MYRIP: variants seen among roughly 807,000 people sequenced by gnomAD.
MYRIP encodes the protein myosin VIIA and Rab interacting protein, also known as rab effector MyRIP.
Under a neutral mutation model 98.0 loss-of-function variants are expected in MYRIP, and 49 were observed. The observed-to-expected ratio is 0.50, with a 90% CI of 0.40 to 0.63. MYRIP has a LOEUF of 0.63. Among genes scored for constraint, MYRIP ranks in the 30% least tolerant of loss-of-function variants. MYRIP has a pLI of 0.00. For missense variants in MYRIP, 1,004 were observed against 1,058.2 expected, an observed-to-expected ratio of 0.95 and a Z score of 0.71; for synonymous variants, 404 against 409.5, an observed-to-expected ratio of 0.99 and a Z score of 0.16.
intron 3 of MYRIP, among the ~76,000 whole-genome samples, chr3:40,047,771 G>A (rs1445691887): frequency 6.6e-6 from 1 of 152,172 alleles, no homozygotes; most frequent in Non-Finnish European, 1.5e-5. Flanking sequence ...GTCTTTCAAA[G>A]TACCACGGAT....
intron 3 of MYRIP, among the ~76,000 whole-genome samples, chr3:40,133,955 C>A (rs1000091523): frequency 6.6e-6 from 1 of 152,148 alleles, no homozygotes; most frequent in Admixed American, 6.5e-5. Context: ...CCAGCATGAG[C>A]GATGCAAAAG....
intron 1 of MYRIP, among the ~76,000 whole-genome samples, chr3:39,889,350 T>TA (rs1463213212): frequency 3.3e-5 from 5 of 152,112 alleles, no homozygotes; most frequent in South Asian, 2.1e-4. Context: ...TATGCAGCCA[T>TA]AAAAAATGAT....
chr3:40,220,126 ATGTC>A (rs1253983235), intron 11 of MYRIP, among the ~76,000 whole-genome samples: 1 of 152,010 alleles, frequency 6.6e-6, no homozygotes, highest in East Asian at 1.9e-4. Context: ...GGCTGCATAA[ATGTC>A]TTCTTTTGAG....
At chr3:40,019,019 C>G (rs1036457110) in intron 2 of MYRIP, among the ~76,000 whole-genome samples, 16 of 152,290 alleles carry the variant, frequency 1.1e-4, no homozygotes, top group African/African-American at 3.9e-4. Flanking sequence ...CCCTGATGCT[C>G]TCAGCTTTTG....
At chr3:39,845,023 G>A (rs1340603859) in intron 1 of MYRIP, among the ~76,000 whole-genome samples, 1 of 152,192 alleles carries the variant, frequency 6.6e-6, no homozygotes, top group African/African-American at 2.4e-5. Flanking sequence ...ACTCATATGT[G>A]CTGTATGTCA....
Position 40,206,233 on chromosome 3 carries a change from A to T in MYRIP, c.1666-3621A>T, listed in dbSNP as rs557951534. 2.1e-3 allele frequency among the ~76,000 whole-genome samples: 317 copies of T among 152,088 alleles called. 3 individuals are homozygous for T. Among genetic ancestry groups the T allele is most frequent in the Non-Finnish European group, 2.0e-3 (138 of 68,012 alleles). Reference sequence around the variant, plus strand: ...TGTGAGTTGATAACATAGGGCAGGGATTGCTTAACCCTTTGCAGGCTAAAA... The same window carrying T: ...TGTGAGTTGATAACATAGGGCAGGGTTTGCTTAACCCTTTGCAGGCTAAAA... On this transcript the variant is annotated intron_variant, in intron 10 of 16. Coordinates refer to ENST00000302541, the MANE Select transcript of MYRIP (RefSeq NM_015460.4).
chr3:40,069,747 T>C (rs1243278089), intron 3 of MYRIP, among the ~76,000 whole-genome samples: 1 of 152,186 alleles, frequency 6.6e-6, no homozygotes, highest in Non-Finnish European at 1.5e-5. Context: ...ACGGGTTTTA[T>C]GGAAGACAGT....
At chr3:40,189,679 A>G (rs1033940735) in intron 9 of MYRIP, 147 bp from the exon 10 acceptor site, 9 of 776,088 alleles carry the variant, frequency 1.2e-5, no homozygotes, top group Non-Finnish European at 1.9e-5. Flanking sequence ...CTGCCCACCA[A>G]TTGGGTTTGC....
At chr3:40,182,164 A>G in intron 8 of MYRIP, 56 bp from the exon 9 acceptor site, 1 of 1,483,404 alleles carries the variant, frequency 6.7e-7, no homozygotes, top group South Asian at 1.4e-5. Flanking sequence ...GTGAAGGCAC[A>G]CCTCCCAGGC....
At chr3:39,870,526 CT>C (rs201793786) in intron 1 of MYRIP, among the ~76,000 whole-genome samples, 5 of 150,932 alleles carry the variant, frequency 3.3e-5, no homozygotes, top group Admixed American at 6.6e-5. Flanking sequence ...AGTCTTTTTT[CT>C]TTTTTTTTGG....
Position 40,189,931 on chromosome 3 carries a change from A to G in MYRIP, c.1133A>G (p.Gln378Arg). The G allele has an allele frequency of 6.2e-7, 1 of 1,614,154 alleles. No individual in the cohort carries two copies. The highest frequency in any genetic ancestry group is 1.3e-5 in the African/African-American group (1 of 75,046). Reference sequence around the variant, plus strand: ...GCCAAACCTAAGAGCGGGACGTTTCAGGCCCTGGAGGTGGCCTCCAGTGTG... The same window carrying G: ...GCCAAACCTAAGAGCGGGACGTTTCGGGCCCTGGAGGTGGCCTCCAGTGTG... ...LLAKPKSGTF[Q>R]ALEVASSVAS... Residue 378 changes from glutamine (Q) to arginine (R), a missense_variant, in exon 10 of 17, where the codon CAG becomes CGG. By Grantham distance (43) the Gln-to-Arg change is conservative. Coordinates refer to ENST00000302541, the MANE Select transcript of MYRIP (RefSeq NM_015460.4).
At chr3:40,095,720 ATC>A (rs538417389) in intron 3 of MYRIP, among the ~76,000 whole-genome samples, 80 of 152,092 alleles carry the variant, frequency 5.3e-4, no homozygotes, top group African/African-American at 1.8e-3. Flanking sequence ...TAACACTGCC[ATC>A]TCTCTGCCTC....
At chr3:40,047,837 T>G (rs1559379449) in intron 3 of MYRIP, among the ~76,000 whole-genome samples, 1 of 152,210 alleles carries the variant, frequency 6.6e-6, no homozygotes, top group Non-Finnish European at 1.5e-5. Flanking sequence ...ATTCTTGTTT[T>G]TTGAAGGATG....
intron 2 of MYRIP, among the ~76,000 whole-genome samples, chr3:39,950,897 C>T (rs1944996966): frequency 6.6e-6 from 1 of 152,298 alleles, no homozygotes; most frequent in African/African-American, 2.4e-5. Context: ...TCATCAAAAT[C>T]TTGGCATTCT....
intron 1 of MYRIP, among the ~76,000 whole-genome samples, chr3:39,866,704 C>T (rs371198229): frequency 5.9e-5 from 9 of 152,182 alleles, no homozygotes; most frequent in African/African-American, 1.9e-4. Flanking sequence ...AGAAAGACTT[C>T]CTATGTTCTT....
chr3:39,857,856 A>G (rs1404835236), intron 1 of MYRIP, among the ~76,000 whole-genome samples: 1 of 152,176 alleles, frequency 6.6e-6, no homozygotes, highest in African/African-American at 2.4e-5. Flanking sequence ...AGTAAGCCTC[A>G]TGGAAACCAA....
chr3:40,248,298 T>C (rs1559475871), intron 13 of MYRIP: 1 of 152,230 alleles, frequency 6.6e-6, no homozygotes, highest in African/African-American at 2.4e-5. Context: ...GTTGTCTCTA[T>C]GAGAGTTCCT....
At chr3:39,886,570 C>T (rs558895595) in intron 1 of MYRIP, among the ~76,000 whole-genome samples, 1 of 151,744 alleles carries the variant, frequency 6.6e-6, no homozygotes, top group African/African-American at 2.4e-5. Flanking sequence ...TTTAAACCAA[C>T]AAAGATCAAA....
At chr3:40,178,089 C>T (rs1205354509) in intron 8 of MYRIP, among the ~76,000 whole-genome samples, 1 of 152,124 alleles carries the variant, frequency 6.6e-6, no homozygotes, top group Non-Finnish European at 1.5e-5. Context: ...CTTGATTTGC[C>T]CTCAAATCTT....
Sources: allele counts gnomAD v4.1 joint callset (sites outside exome capture counted in the v4.1 genomes callset), GRCh38; gene constraint gnomAD v4.1.1; transcripts MANE v1.5; gene names NCBI Gene and HGNC (gene_info 2026-07-23, HGNC 2026-07-21).